Variants in RBFOX1 observed in about 807,000 individuals in gnomAD.
The protein encoded by RBFOX1 is RNA binding protein fox-1 homolog 1.
Under a neutral mutation model 57.7 loss-of-function variants are expected in RBFOX1, and 8 were observed. The observed-to-expected ratio is 0.14, with a 90% confidence interval of 0.08 to 0.25. The LOEUF (loss-of-function observed/expected upper bound fraction) is 0.25, where lower values mean the gene tolerates loss of function less well. Ranked by LOEUF, RBFOX1 falls within the 10% of genes least tolerant of loss-of-function variation. The pLI is 1.00. For missense variants in RBFOX1, 611 were observed against 548.5 expected, an observed-to-expected ratio of 1.11 and a Z score of -1.14; for synonymous variants, 326 against 222.4, an observed-to-expected ratio of 1.47 and a Z score of -4.15.
rs544354169 is a variant in RBFOX1, at chr16:7,051,837, C to G, written c.-15-220C>G. Among the ~76,000 whole-genome samples, 10 of 152,314 alleles carry G rather than the reference C, an allele frequency of 6.6e-5. No individual in the cohort carries two copies. The South Asian group carries it at 1.0e-3, about 16-fold the overall frequency. ...TACTCCTGCACGTCTCTCCTCTTCC[C>G]CTTTCCAGTCTCTGACTTATCCTAG... On this transcript the variant is annotated intron_variant, in intron 3 of 15. Coordinates refer to ENST00000550418, the MANE Select transcript of RBFOX1 (RefSeq NM_018723.4).
chr16:5,726,248 C>A (rs1366663252), intron 3 of RBFOX1, among the ~76,000 whole-genome samples: 1 of 151,870 alleles, frequency 6.6e-6, no homozygotes, highest in Non-Finnish European at 1.5e-5. Context: ...GATAAATTGG[C>A]CTTTATGGGA....
At chr16:6,985,934 A>C (rs1380090504) in intron 3 of RBFOX1, among the ~76,000 whole-genome samples, 1 of 150,990 alleles carries the variant, frequency 6.6e-6, no homozygotes, top group Non-Finnish European at 1.5e-5. Flanking sequence ...GTGAATTGTA[A>C]ATCTCCATGG....
chr16:6,466,570 G>T (rs981373353), intron 2 of RBFOX1, among the ~76,000 whole-genome samples: 1 of 152,108 alleles, frequency 6.6e-6, no homozygotes, highest in Non-Finnish European at 1.5e-5. Flanking sequence ...AAGACCATTG[G>T]AGACACCCTC....
intron 1 of RBFOX1, among the ~76,000 whole-genome samples, chr16:6,249,099 C>A (rs2152940785): frequency 6.6e-6 from 1 of 152,212 alleles, no homozygotes; most frequent in African/African-American, 2.4e-5. Context: ...TTAGTCCAGC[C>A]CCCACTCCCC....
chr16:5,795,203 C>G (rs1200220617), intron 3 of RBFOX1, among the ~76,000 whole-genome samples: 2 of 152,186 alleles, frequency 1.3e-5, no homozygotes, highest in African/African-American at 4.8e-5. Flanking sequence ...GATTCTACGT[C>G]AGTTTCATAT....
intron 4 of RBFOX1, among the ~76,000 whole-genome samples, chr16:7,209,373 A>G (rs1030282231): frequency 1.3e-5 from 2 of 152,126 alleles, no homozygotes; most frequent in Non-Finnish European, 2.9e-5. Context: ...CTTTTCTTAT[A>G]AGGACACCAG....
At chr16:6,723,401 T>C (rs766720368) in intron 3 of RBFOX1, among the ~76,000 whole-genome samples, 2 of 152,162 alleles carry the variant, frequency 1.3e-5, no homozygotes, top group Non-Finnish European at 2.9e-5. Flanking sequence ...GACTTAAAGA[T>C]ACCACTATGG....
chr16:5,412,716 G>A (rs1479483031), intron 1 of RBFOX1, among the ~76,000 whole-genome samples: 5 of 152,134 alleles, frequency 3.3e-5, no homozygotes, highest in Non-Finnish European at 5.9e-5. Flanking sequence ...CAGAGGAGTC[G>A]GAATTAGCGT....
chr16:6,091,784 T>C (rs1023432194), intron 1 of RBFOX1, among the ~76,000 whole-genome samples: 1 of 152,144 alleles, frequency 6.6e-6, no homozygotes, highest in East Asian at 1.9e-4. Flanking sequence ...AGAGCCAAGA[T>C]TGCGCCACTG....
chr16:7,281,758 T>G (rs1297571190), intron 4 of RBFOX1, among the ~76,000 whole-genome samples: 8 of 152,268 alleles, frequency 5.3e-5, no homozygotes, highest in Admixed American at 5.2e-4. Flanking sequence ...ATAGTTTGCT[T>G]GAGTTTGAAT....
intron 2 of RBFOX1, among the ~76,000 whole-genome samples, chr16:5,491,907 T>A (rs2042844526): frequency 1.3e-5 from 2 of 152,190 alleles, no homozygotes; most frequent in South Asian, 2.1e-4. Context: ...AGGCCTCACA[T>A]CCTCAGAAAA....
intron 4 of RBFOX1, among the ~76,000 whole-genome samples, chr16:7,249,596 T>A (rs1395771708): frequency 1.5e-5 from 2 of 136,118 alleles, no homozygotes; most frequent in Admixed American, 7.2e-5. Flanking sequence ...ATAGGCTTCT[T>A]TCTTTAAAAA....
chr16:5,311,995 A>G (rs1445845247), intron 1 of RBFOX1, among the ~76,000 whole-genome samples: 3 of 152,182 alleles, frequency 2.0e-5, no homozygotes, highest in African/African-American at 7.2e-5. Flanking sequence ...GCCATGTTCT[A>G]TTAATGCCTG....
chr16:7,332,638 C>G (rs745734713), intron 4 of RBFOX1: 54 of 407,788 alleles, frequency 1.3e-4, no homozygotes, highest in Non-Finnish European at 1.7e-4. Context: ...TAGCCTGGTT[C>G]CCTCTGTCAC....
chr16:6,448,123 A>G (rs771054696), intron 2 of RBFOX1, among the ~76,000 whole-genome samples: 2 of 140,174 alleles, frequency 1.4e-5, no homozygotes, highest in African/African-American at 2.7e-5. Flanking sequence ...ATAACTGATC[A>G]GACATTTTTC....
At chr16:6,613,452 C>T (rs914910741) in intron 2 of RBFOX1, among the ~76,000 whole-genome samples, 3 of 151,936 alleles carry the variant, frequency 2.0e-5, no homozygotes, top group African/African-American at 7.3e-5. Context: ...CCCTTAGGCC[C>T]CCTTAAAGTC....
intron 2 of RBFOX1, among the ~76,000 whole-genome samples, chr16:6,589,492 G>T (rs1202587900): frequency 6.6e-6 from 1 of 152,214 alleles, no homozygotes; most frequent in Non-Finnish European, 1.5e-5. Context: ...AGATGAGCCA[G>T]TTGATCCATA....
chr16:6,873,875 C>T (rs2061372225), intron 3 of RBFOX1: 1 of 152,230 alleles, frequency 6.6e-6, no homozygotes, highest in Non-Finnish European at 1.5e-5. Context: ...AGCTAGGAAG[C>T]ATAGTATCTG....
intron 4 of RBFOX1, among the ~76,000 whole-genome samples, chr16:7,362,942 G>C (rs1170855817): frequency 6.6e-6 from 1 of 152,114 alleles, no homozygotes; most frequent in Non-Finnish European, 1.5e-5. Context: ...TGTGACCTTG[G>C]ACAAGTCACT....
Sources: allele counts gnomAD v4.1 joint callset (sites outside exome capture counted in the v4.1 genomes callset), GRCh38; gene constraint gnomAD v4.1.1; transcripts MANE v1.5; gene names NCBI Gene and HGNC (gene_info 2026-07-23, HGNC 2026-07-21).